HIRA: variants seen among roughly 807,000 people sequenced by gnomAD.
HIRA encodes the protein histone cell cycle regulator.
A neutral mutation model predicts 126.6 loss-of-function variants in HIRA; 13 were observed. That is an observed-to-expected ratio of 0.10 (90% CI 0.07 to 0.16). The LOEUF is 0.16. Ranked by LOEUF, HIRA falls within the 10% of genes least tolerant of loss-of-function variation. The pLI, the probability that HIRA is intolerant of heterozygous loss-of-function variation, is 1.00. For synonymous variants in HIRA, 511 were observed against 520.0 expected, an observed-to-expected ratio of 0.98 and a Z score of 0.24; for missense variants, 834 against 1,314.4, an observed-to-expected ratio of 0.63 and a Z score of 5.65.
chr22:19,398,615 T>G (rs1222272002), intron 5 of HIRA, among the ~76,000 whole-genome samples: 1 of 152,206 alleles, frequency 6.6e-6, no homozygotes, highest in Non-Finnish European at 1.5e-5. Flanking sequence ...CTATGGAGCC[T>G]CCAAACAGAA....
intron 13 of HIRA, among the ~76,000 whole-genome samples, chr22:19,380,395 G>A (rs894956527): frequency 1.3e-5 from 2 of 152,128 alleles, no homozygotes; most frequent in African/African-American, 2.4e-5. Context: ...TATCACTGAT[G>A]TGAAATGCTA....
At chr22:19,366,876 T>A (rs1264952263) in intron 15 of HIRA, among the ~76,000 whole-genome samples, 1 of 152,168 alleles carries the variant, frequency 6.6e-6, no homozygotes, top group Non-Finnish European at 1.5e-5. Flanking sequence ...TTCTCATACC[T>A]CAGCCTCCCC....
chr22:19,350,922 G>A (rs1414400278), intron 24 of HIRA: 2 of 156,582 alleles, frequency 1.3e-5, no homozygotes, highest in Admixed American at 1.3e-4. Flanking sequence ...AGGCCTTCCT[G>A]GTCACTCCTT....
At chr22:19,412,184 G>A (rs187581106) in intron 1 of HIRA, among the ~76,000 whole-genome samples, 9 of 152,302 alleles carry the variant, frequency 5.9e-5, no homozygotes, top group Non-Finnish European at 1.0e-4. Flanking sequence ...TGTCATGTGA[G>A]AAGTCCAAGT....
At chr22:19,410,071 C>T (rs2089340089) in intron 2 of HIRA, among the ~76,000 whole-genome samples, 1 of 152,230 alleles carries the variant, frequency 6.6e-6, no homozygotes, top group South Asian at 2.1e-4. Context: ...GTAAAGATGA[C>T]AGAGGGCTGG....
At chr22:19,403,004 G>A (rs2089281243) in intron 5 of HIRA, among the ~76,000 whole-genome samples, 1 of 151,022 alleles carries the variant, frequency 6.6e-6, no homozygotes, top group Non-Finnish European at 1.5e-5. Flanking sequence ...TCAGGAGGCT[G>A]AGGCAAGAGG....
chr22:19,342,409 T>TG (rs1712179280), intron 24 of HIRA, among the ~76,000 whole-genome samples: 3 of 152,168 alleles, frequency 2.0e-5, no homozygotes, highest in African/African-American at 7.2e-5. Flanking sequence ...GTTCTGGAGA[T>TG]GGAGTCTCAC....
At chr22:19,332,240 T>C (rs5748131) in intron 24 of HIRA, among the ~76,000 whole-genome samples, 103,792 of 152,084 alleles carry the variant, frequency 0.68, 35,804 homozygotes, top group African/African-American at 0.78. Flanking sequence ...GACGAGAAGG[T>C]CTAAGATCTT....
Position 19,390,601 on chromosome 22 carries a change from C to CAAAAAAAAAAAAAAAAAAAAAAA in HIRA, c.936+1477_936+1499dup, listed in dbSNP as rs575050947. On this transcript the variant is annotated intron_variant, in intron 9 of 24. Coordinates refer to ENST00000263208, the MANE Select transcript of HIRA (RefSeq NM_003325.4). ...TGGGCAATAGAGGGAGACTCTGTCT[C>CAAAAAAAAAAAAAAAAAAAAAAA]AAAAAAAAAAAAAAAAAAAAAAAAA... Among the ~76,000 whole-genome samples, 32 of 38,342 alleles carry CAAAAAAAAAAAAAAAAAAAAAAA rather than the reference C, an allele frequency of 8.3e-4. 2 individuals carry two copies. Among genetic ancestry groups the CAAAAAAAAAAAAAAAAAAAAAAA allele is most frequent in the African/African-American group, 1.6e-3 (18 of 11,456 alleles). The allele number at this position is 38,342 out of a possible 152,430, so 25.2% of individuals were successfully genotyped here. A position where few individuals can be genotyped will look rare whatever the true frequency, so the allele number is the denominator to read the frequency against.
At position 19,428,212 on chromosome 22, in the gene HIRA, C is replaced by T. The variant is rs113680127; in HGVS notation, c.37+3228G>A. ...TCATTTCACTACAACGTGACAACTTCAAGATTAACTTATTGATAACCTTAG... is the reference window on the plus strand; with the variant it reads ...TCATTTCACTACAACGTGACAACTTTAAGATTAACTTATTGATAACCTTAG... On this transcript the variant is annotated intron_variant, in intron 1 of 24. Coordinates refer to ENST00000263208, the MANE Select transcript of HIRA (RefSeq NM_003325.4). Among the ~76,000 whole-genome samples the T allele has an allele frequency of 9.3e-4, 142 of 152,278 alleles. 1 individual carries two copies. Among genetic ancestry groups the T allele is most frequent in the African/African-American group, 3.2e-3 (133 of 41,552 alleles).
At chr22:19,390,960 G>GT (rs113434072) in intron 9 of HIRA, among the ~76,000 whole-genome samples, 2,816 of 145,384 alleles carry the variant, frequency 0.019, 86 homozygotes, top group African/African-American at 0.062. Context: ...CTATTTTTTT[G>GT]TTTTTTTTTT....
chr22:19,344,794 G>A (rs1210242980), intron 24 of HIRA, among the ~76,000 whole-genome samples: 1 of 152,004 alleles, frequency 6.6e-6, no homozygotes, highest in Non-Finnish European at 1.5e-5. Flanking sequence ...TGACCAAGTG[G>A]GATTTATTCC....
intron 15 of HIRA, among the ~76,000 whole-genome samples, chr22:19,372,179 GACTTAAGCAT>G (rs1039785542): frequency 5.6e-4 from 85 of 152,278 alleles, no homozygotes; most frequent in African/African-American, 2.0e-3. Context: ...TGTCCTTCAA[GACTTAAGCAT>G]ACTTTATAGT....
chr22:19,351,120 C>T lies in HIRA; in HGVS notation c.2937+238G>A, dbSNP rs1481021162. 8.1e-6 allele frequency: 8 copies of T among 985,214 alleles called. No individual in the cohort carries two copies. Among genetic ancestry groups the T allele is most frequent in the Non-Finnish European group, 9.6e-6 (8 of 829,896 alleles). 61.0% of individuals were successfully genotyped at this position (985,214 alleles called of 1,614,324 possible). A position where few individuals can be genotyped will look rare whatever the true frequency, so the allele number is the denominator to read the frequency against. On this transcript the variant is annotated intron_variant, in intron 24 of 24. Transcript: ENST00000263208. This position sits in a 1 kb window ranked among gnomAD's most constrained non-coding sequence, Gnocchi z 4.8. The stretch of plus-strand genomic sequence containing the variant: ...CAAGCCCAGAGCCCCTGCAGGCAGC[C>T]TCCCTCAGCACAGGCACGTGGCGGA...
Position 19,393,654 on chromosome 22 carries a change from C to G in HIRA, c.822+688G>C, listed in dbSNP as rs939005064. ...TACAGGCATGAGCCACCGTGTCCGG[C>G]CGATACTTATTATCTATTTAAACAC... On this transcript the variant is annotated intron_variant, in intron 8 of 24. Coordinates refer to ENST00000263208, the MANE Select transcript of HIRA (RefSeq NM_003325.4). Among the ~76,000 whole-genome samples the G allele has an allele frequency of 3.9e-5, 6 of 152,282 alleles. No homozygotes were observed. The South Asian group carries it at 6.2e-4, about 16-fold the overall frequency.
At chr22:19,388,448 T>C (rs1415591252) in intron 10 of HIRA, 36 bp downstream of exon 10, 1 of 1,540,854 alleles carries the variant, frequency 6.5e-7, no homozygotes, top group Admixed American at 1.7e-5. Context: ...GGCTTCTCCT[T>C]TCTTAACCTA....
intron 15 of HIRA, among the ~76,000 whole-genome samples, chr22:19,363,244 CA>C (rs1031726527): frequency 6.8e-6 from 1 of 147,004 alleles, no homozygotes; most frequent in Admixed American, 6.7e-5. Flanking sequence ...AAAAAAAAAA[CA>C]AAAAAAACAA....
intron 1 of HIRA, among the ~76,000 whole-genome samples, chr22:19,418,440 C>G (rs941069650): frequency 6.6e-6 from 1 of 151,066 alleles, no homozygotes; most frequent in African/African-American, 2.4e-5. Flanking sequence ...CTGACTAACA[C>G]GGTGAAACCC....
chr22:19,352,630 G>A (rs1381766697), intron 23 of HIRA, among the ~76,000 whole-genome samples: 7 of 152,306 alleles, frequency 4.6e-5, no homozygotes, highest in African/African-American at 9.6e-5. Flanking sequence ...AATTACATCC[G>A]TGAAGGTCTG....
Sources: gnomAD v4.1 joint callset for allele counts (sites outside exome capture counted in the v4.1 genomes callset) on GRCh38, gnomAD v4.1.1 for gene constraint, Gnocchi (gnomAD v3.1) non-coding constraint, MANE v1.5 for transcripts, NCBI Gene and HGNC (gene_info 2026-07-23, HGNC 2026-07-21) for gene names.